WDR35: variants seen among roughly 807,000 people sequenced by gnomAD.
WDR35 encodes WD repeat-containing protein 35.
Under a neutral mutation model 158.3 loss-of-function variants are expected in WDR35, and 118 were observed. That is an observed-to-expected ratio of 0.75 (90% CI 0.64 to 0.87). WDR35 has a LOEUF of 0.87. WDR35 is among the 40% of genes least tolerant of loss of function. WDR35 has a pLI of 0.00. For missense variants in WDR35, 1,263 were observed against 1,405.8 expected, an observed-to-expected ratio of 0.90 and a Z score of 1.62; for synonymous variants, 448 against 476.1, an observed-to-expected ratio of 0.94 and a Z score of 0.77.
intron 5 of WDR35, among the ~76,000 whole-genome samples, chr2:19,978,393 T>C (rs1324771673): frequency 6.6e-6 from 1 of 152,150 alleles, no homozygotes; most frequent in Non-Finnish European, 1.5e-5. Context: ...ACATATTCAG[T>C]TCCAATAAAA....
At position 19,946,346 on chromosome 2, in the gene WDR35, TAAG is replaced by T. The variant is rs1294002883; in HGVS notation, c.1634+112_1634+114del. On this transcript the variant is annotated intron_variant, in intron 15 of 26. Transcript: ENST00000281405. ...TATAAAATAAAACCATACTGAATTT[TAAG>T]ACAAGTTCATAATAGACACGCCCAT... 3.2e-6 allele frequency: 3 copies of T among 929,780 alleles called. No homozygotes were observed. In the African/African-American group the frequency reaches 4.9e-5, roughly 15 times the overall value. 57.6% of individuals were successfully genotyped at this position (929,780 alleles called of 1,614,324 possible).
chr2:19,957,616 G>A (rs548369967), intron 11 of WDR35, among the ~76,000 whole-genome samples: 1 of 151,480 alleles, frequency 6.6e-6, no homozygotes, highest in African/African-American at 2.4e-5. Context: ...GCTGTGGCAC[G>A]ATCTTTGCTC....
At chr2:19,983,044 T>C (rs1672437857) in intron 2 of WDR35, among the ~76,000 whole-genome samples, 1 of 152,236 alleles carries the variant, frequency 6.6e-6, no homozygotes, top group African/African-American at 2.4e-5. Context: ...CTCAGAGCTT[T>C]CAGTCTAAGG....
intron 25 of WDR35, among the ~76,000 whole-genome samples, chr2:19,925,279 T>C (rs1670320450): frequency 6.6e-6 from 1 of 152,236 alleles, no homozygotes; most frequent in Non-Finnish European, 1.5e-5. Context: ...ATTCAAATTG[T>C]TATATCTACT....
intron 14 of WDR35, among the ~76,000 whole-genome samples, chr2:19,947,526 A>T (rs747100979): frequency 2.0e-5 from 3 of 152,216 alleles, no homozygotes; most frequent in Non-Finnish European, 4.4e-5. Flanking sequence ...TTCAAATCTC[A>T]GAGCTCAAGA....
At chr2:19,932,736 A>G (rs575218269) in intron 22 of WDR35, among the ~76,000 whole-genome samples, 2 of 152,276 alleles carry the variant, frequency 1.3e-5, no homozygotes, top group South Asian at 4.1e-4. Context: ...ACAAAACTTC[A>G]AGCAAGAAAG....
intron 17 of WDR35, among the ~76,000 whole-genome samples, chr2:19,939,966 C>A (rs2103408145): frequency 1.3e-5 from 2 of 150,896 alleles, no homozygotes; most frequent in South Asian, 4.2e-4. Flanking sequence ...TTTTAAAGGG[C>A]CCTGGAAGAA....
At chr2:19,968,505 A>C (rs910052491) in intron 9 of WDR35, among the ~76,000 whole-genome samples, 5 of 152,194 alleles carry the variant, frequency 3.3e-5, no homozygotes, top group Non-Finnish European at 5.9e-5. Context: ...TTTGGGTCAC[A>C]ATAAAATAAT....
At position 19,963,122 on chromosome 2, in the gene WDR35, C is replaced by A. The variant is rs548503196; in HGVS notation, c.1195-2508G>T. The stretch of plus-strand genomic sequence containing the variant: ...ACAAGTCTTTAGCTTTCTTTCATTC[C>A]CTTTTCCACCCCACCCCTACCACAC... On this transcript the variant is annotated intron_variant, in intron 10 of 26. Transcript: ENST00000281405. Among the ~76,000 whole-genome samples, 3 of 152,250 alleles carry A rather than the reference C, an allele frequency of 2.0e-5. No individual in the cohort carries two copies. The East Asian group carries it at 5.8e-4, about 29-fold the overall frequency.
chr2:19,913,806 T>G, intron 26 of WDR35, 98 bp from the exon 27 acceptor site: 1 of 1,521,544 alleles, frequency 6.6e-7, no homozygotes, highest in East Asian at 2.3e-5. Flanking sequence ...ATAAAACTTC[T>G]GAGATGAACA....
At chr2:19,967,120 T>C (rs1010810238) in intron 9 of WDR35, among the ~76,000 whole-genome samples, 2 of 152,188 alleles carry the variant, frequency 1.3e-5, no homozygotes, top group African/African-American at 4.8e-5. Flanking sequence ...GTGCTGCAAA[T>C]ATAAATTTAG....
intron 25 of WDR35, among the ~76,000 whole-genome samples, chr2:19,926,361 C>T (rs1670354440): frequency 6.6e-6 from 1 of 152,224 alleles, no homozygotes; most frequent in Admixed American, 6.5e-5. Context: ...GGTAAAGCTT[C>T]TTATTCTGGA....
At chr2:19,941,888 CTT>C in intron 16 of WDR35, 49 bp from the exon 17 acceptor site, 1 of 1,325,458 alleles carries the variant, frequency 7.5e-7, no homozygotes, top group Non-Finnish European at 1.1e-6. Context: ...AATTTCCTCT[CTT>C]TTAACAAATC....
chr2:19,921,388 C>G (rs918464178), intron 25 of WDR35, among the ~76,000 whole-genome samples: 1 of 152,078 alleles, frequency 6.6e-6, no homozygotes, highest in Admixed American at 6.6e-5. Flanking sequence ...ATATATAGAC[C>G]AATGGAACAG....
intron 11 of WDR35, among the ~76,000 whole-genome samples, chr2:19,957,308 T>C (rs376792699): frequency 5.4e-4 from 83 of 152,354 alleles, no homozygotes; most frequent in African/African-American, 1.9e-3. Flanking sequence ...AAATATGTTC[T>C]TTTGAATCAG....
At chr2:19,976,773 CTT>C (rs1467229195) in intron 5 of WDR35, among the ~76,000 whole-genome samples, 11 of 149,300 alleles carry the variant, frequency 7.4e-5, no homozygotes, top group African/African-American at 2.7e-4. Context: ...CTCTAAGACT[CTT>C]ATATTTCTCG....
chr2:19,989,844 A>C, intron 1 of WDR35, 148 bp downstream of exon 1: 1 of 1,326,816 alleles, frequency 7.5e-7, no homozygotes, highest in Non-Finnish European at 1.1e-6. Context: ...AAGAGGTCGG[A>C]GGCTGGACCC....
chr2:19,956,520 G>T (rs966235457), intron 11 of WDR35, among the ~76,000 whole-genome samples: 3 of 151,920 alleles, frequency 2.0e-5, no homozygotes, highest in Admixed American at 2.0e-4. Flanking sequence ...ACCCTACAGA[G>T]CTGTTTGAAA....
At chr2:19,982,608 T>G in intron 2 of WDR35, 74 bp from the exon 3 acceptor site, 1 of 1,473,430 alleles carries the variant, frequency 6.8e-7, no homozygotes, top group Non-Finnish European at 9.4e-7. Context: ...ACTCTTTTTG[T>G]ATTCCTGGGC....
Sources: gnomAD v4.1 joint callset for allele counts (sites outside exome capture counted in the v4.1 genomes callset) on GRCh38, gnomAD v4.1.1 for gene constraint, MANE v1.5 for transcripts, NCBI Gene and HGNC (gene_info 2026-07-23, HGNC 2026-07-21) for gene names.